Variants in SHANK1 observed in about 807,000 individuals in gnomAD.
SHANK1 encodes SH3 and multiple ankyrin repeat domains 1, also known as SH3 and multiple ankyrin repeat domains protein 1.
In SHANK1, 35 loss-of-function variants were observed where a neutral mutation model predicts 165.6. That is an observed-to-expected ratio of 0.21 (90% CI 0.16 to 0.28). The LOEUF (loss-of-function observed/expected upper bound fraction) is 0.28. Among genes scored for constraint, SHANK1 ranks in the 10% least tolerant of loss-of-function variants. The pLI is 1.00. For synonymous variants in SHANK1, 1,428 were observed against 1,384.8 expected (o/e 1.03, Z -0.69); for missense variants, 2,681 against 3,036.4 (o/e 0.88, Z 2.75).
Position 50,662,670 on chromosome 19 carries a change from G to A in SHANK1, c.5781C>T (p.Asp1927=), listed in dbSNP as rs951959831. Residue 1927 remains aspartate, a synonymous_variant, in exon 24 of 24, where the codon GAC becomes GAT. Transcript: ENST00000293441. The surrounding 1 kb of genome is among the most constrained non-coding windows in gnomAD (Gnocchi z 7.7). ...SSLQRQRLSD[D]SQSSLLSKPV... is the part of the protein sequence containing the mutation. ...GCTTGGAGAGGAGTGAGGACTGGGA[G>A]TCGTCGGAGAGTCTGGAATGTGACA... is the stretch of plus-strand genomic sequence containing the variant. 1.0e-5 allele frequency: 16 copies of A among 1,563,290 alleles called. No individual in the cohort carries two copies. Among genetic ancestry groups the A allele is most frequent in the South Asian group, 1.2e-5 (1 of 84,926 alleles).
chr19:50,668,815 C>T lies in SHANK1; in HGVS notation c.3145G>A (p.Gly1049Ser). The change falls in exon 23 of 24, where the codon GGC becomes AGC. Residue 1049 changes from glycine (G) to serine (S), a missense_variant. Physicochemically the swap from Gly to Ser is moderately conservative, Grantham distance 56. Coordinates refer to ENST00000293441, the MANE Select transcript of SHANK1 (RefSeq NM_016148.5). ...LALGPQPSLR[G>S]WRGGGPSPTP... ...GGGCTGGGCCCGCCGCCCCTCCAGC[C>T]TCGCAGGCTGGGCTGGGGCCCCAGA... 1 of 1,269,942 alleles carries T rather than the reference C, an allele frequency of 7.9e-7. No individual in the cohort carries two copies. The highest frequency in any genetic ancestry group is 3.2e-5 in the South Asian group (1 of 30,906). 78.7% of individuals were successfully genotyped at this position (1,269,942 alleles called of 1,614,324 possible).
At chr19:50,689,301 T>TTTATTG in intron 15 of SHANK1, 22 bp from the exon 16 acceptor site, 1 of 756,204 alleles carries the variant, frequency 1.3e-6, no homozygotes, top group Non-Finnish European at 2.0e-6. Flanking sequence ...GCAGGAGAAA[T>TTTATTG]GGGGGGGTGG....
intron 21 of SHANK1, among the ~76,000 whole-genome samples, chr19:50,680,670 C>T (rs34254793): frequency 0.5 from 60,952 of 122,736 alleles, 13,161 homozygotes; most frequent in Admixed American, 0.57. Context: ...TTTTTTTTTT[C>T]CCCGAGACAG....
In SHANK1 at chr19:50,667,658, G is replaced by A. The variant is rs559206133; in HGVS notation, c.4302C>T (p.Pro1434=). Residue 1434 remains proline, a synonymous_variant, in exon 23 of 24, where the codon CCC becomes CCT. Transcript: ENST00000293441. The surrounding 1 kb of genome is among the most constrained non-coding windows in gnomAD (Gnocchi z 5.7). ...AGLGSQEKSL[P]ASPPAARRSL... is the part of the protein sequence containing the mutation. ...AACGCCGGGCGGCGGGCGGGCTGGC[G>A]GGAAGGGACTTCTCCTGGCTGCCCA... 1.4e-5 allele frequency: 19 copies of A among 1,402,620 alleles called. No homozygotes were observed. Among genetic ancestry groups the A allele is most frequent in the Non-Finnish European group, 1.7e-5 (19 of 1,088,000 alleles). 86.9% of individuals were successfully genotyped at this position (1,402,620 alleles called of 1,614,324 possible). A position where few individuals can be genotyped will look rare whatever the true frequency, so the allele number is the denominator to read the frequency against.
chr19:50,684,505 C>A (rs914336573), intron 21 of SHANK1, among the ~76,000 whole-genome samples: 1 of 152,138 alleles, frequency 6.6e-6, no homozygotes, highest in Admixed American at 6.5e-5. Flanking sequence ...GGATTACAGG[C>A]GTGAGCCACC....
chr19:50,707,279 C>T (rs930805815), intron 8 of SHANK1, among the ~76,000 whole-genome samples: 4 of 152,178 alleles, frequency 2.6e-5, no homozygotes, highest in Admixed American at 1.3e-4. Flanking sequence ...AATGCTGGAC[C>T]CACAGGGACT....
At chr19:50,692,564 C>G (rs1162228509) in intron 15 of SHANK1, among the ~76,000 whole-genome samples, 1 of 151,290 alleles carries the variant, frequency 6.6e-6, no homozygotes, top group East Asian at 1.9e-4. Context: ...TCAACCACCC[C>G]CTATCCTACA....
At position 50,687,938 on chromosome 19, in the gene SHANK1, C is replaced by T. The variant is rs1230068769; in HGVS notation, c.2293G>A (p.Ala765Thr). The change falls in exon 18 of 24, where the codon GCA becomes ACA. Residue 765 changes from alanine (A) to threonine (T), a missense_variant. Ala to Thr is a moderately conservative substitution (Grantham distance 58). Coordinates refer to ENST00000293441, the MANE Select transcript of SHANK1 (RefSeq NM_016148.5). Reference sequence around the variant, plus strand: ...GCAGGAGCACCTTTCTTGTGCACTGCCTCATCCATGTCCGGGTGCCTGGTG... The same window carrying T: ...GCAGGAGCACCTTTCTTGTGCACTGTCTCATCCATGTCCGGGTGCCTGGTG... ...MVTRHPDMDE[A>T]VHKKAPQQAK... The T allele has an allele frequency of 6.2e-7, 1 of 1,613,922 alleles. No homozygotes were observed. Among genetic ancestry groups the T allele is most frequent in the Non-Finnish European group, 8.5e-7 (1 of 1,179,976 alleles).
chr19:50,667,967 G>T lies in SHANK1; in HGVS notation c.3993C>A (p.Ser1331Arg). 7.0e-7 allele frequency: 1 copy of T among 1,423,846 alleles called. No individual in the cohort carries two copies. The allele number at this position is 1,423,846 out of a possible 1,614,324, so 88.2% of individuals were successfully genotyped here. A position where few individuals can be genotyped will look rare whatever the true frequency, so the allele number is the denominator to read the frequency against. Reference protein sequence around the residue: ...GGGGGSSAFTSFLPPRPLVHP... With the variant: ...GGGGGSSAFTRFLPPRPLVHP... ...GCACCAGGGGTCGCGGGGGCAGGAA[G>T]CTGGTGAAGGCGCTGCTGCCCCCGC... The change falls in exon 23 of 24, where the codon AGC becomes AGA. Residue 1331 changes from serine (S) to arginine (R), a missense_variant. Ser to Arg is a moderately radical substitution (Grantham distance 110). Transcript: ENST00000293441. This position sits in a 1 kb window ranked among gnomAD's most constrained non-coding sequence, Gnocchi z 5.7.
intron 8 of SHANK1, 71 bp from the exon 9 acceptor site, chr19:50,704,585 G>C (rs2088915761): frequency 7.4e-7 from 1 of 1,349,580 alleles, no homozygotes. Flanking sequence ...AGTGGATGCA[G>C]GTTCTGTGCT....
At position 50,688,753 on chromosome 19, in the gene SHANK1, T is replaced by C; in HGVS notation, c.2172+91A>G. 1 of 1,387,298 alleles carries C rather than the reference T, an allele frequency of 7.2e-7. No homozygotes were observed. Among genetic ancestry groups the C allele is most frequent in the Non-Finnish European group, 9.8e-7 (1 of 1,021,430 alleles). 85.9% of individuals were successfully genotyped at this position (1,387,298 alleles called of 1,614,324 possible). A position where few individuals can be genotyped will look rare whatever the true frequency, so the allele number is the denominator to read the frequency against. On this transcript the variant is annotated intron_variant, in intron 17 of 23. Coordinates refer to ENST00000293441, the MANE Select transcript of SHANK1 (RefSeq NM_016148.5). This position sits in a 1 kb window ranked among gnomAD's most constrained non-coding sequence, Gnocchi z 6.7. ...TGGGAATCCTGGTGCCAAAGGAGAA[T>C]AAAACTGGGCAGCCAGATCCTGGTG... is the stretch of plus-strand genomic sequence containing the variant.
At position 50,670,451 on chromosome 19, in the gene SHANK1, C is replaced by G. The variant is rs1328558174; in HGVS notation, c.2675-1166G>C. Among the ~76,000 whole-genome samples, 1 of 152,208 alleles carries G rather than the reference C, an allele frequency of 6.6e-6. No individual in the cohort carries two copies. Among genetic ancestry groups the G allele is most frequent in the African/African-American group, 2.4e-5 (1 of 41,462 alleles). On this transcript the variant is annotated intron_variant, in intron 22 of 23. Transcript: ENST00000293441. This position sits in a 1 kb window ranked among gnomAD's most constrained non-coding sequence, Gnocchi z 4.1. ...GTCCCCCGGCTTCCCAGCTCATCCC[C>G]TTCAATCTAGTCCCTTCACAGCAGC...
Position 50,667,980 on chromosome 19 carries a change from C to T in SHANK1, c.3980G>A (p.Ser1327Asn). The change falls in exon 23 of 24, where the codon AGC becomes AAC. Residue 1327 changes from serine (S) to asparagine (N), a missense_variant. By Grantham distance (46) the Ser-to-Asn change is conservative. Coordinates refer to ENST00000293441, the MANE Select transcript of SHANK1 (RefSeq NM_016148.5). This position sits in a 1 kb window ranked among gnomAD's most constrained non-coding sequence, Gnocchi z 5.7. ...SRAYGGGGGS[S>N]AFTSFLPPRP... is the part of the protein sequence containing the mutation. ...CGGGGGCAGGAAGCTGGTGAAGGCG[C>T]TGCTGCCCCCGCCACCCCCGTAGGC... The T allele has an allele frequency of 6.9e-7, 1 of 1,449,830 alleles. No individual in the cohort carries two copies. Among genetic ancestry groups the T allele is most frequent in the Non-Finnish European group, 9.0e-7 (1 of 1,106,272 alleles). The allele number at this position is 1,449,830 out of a possible 1,614,324, so 89.8% of individuals were successfully genotyped here.
At chr19:50,689,002 G>C (rs2123136795) in intron 16 of SHANK1, 34 bp from the exon 17 acceptor site, 2 of 1,469,286 alleles carry the variant, frequency 1.4e-6, no homozygotes, top group Non-Finnish European at 1.9e-6. Context: ...GGGTCGGAGG[G>C]GAGGGGGTGG....
In SHANK1 at chr19:50,668,257, C is replaced by T; in HGVS notation, c.3703G>A (p.Ala1235Thr). The T allele has an allele frequency of 1.4e-6, 2 of 1,420,328 alleles. No individual in the cohort carries two copies. Among genetic ancestry groups the T allele is most frequent in the Admixed American group, 3.3e-5 (1 of 30,510 alleles). 88.0% of individuals were successfully genotyped at this position (1,420,328 alleles called of 1,614,324 possible). A position where few individuals can be genotyped will look rare whatever the true frequency, so the allele number is the denominator to read the frequency against. The change falls in exon 23 of 24, where the codon GCC (alanine) becomes ACC (threonine). Residue 1235 changes from alanine to threonine, a missense_variant. Around this residue, in one of 10 missense-constraint regions of SHANK1, gnomAD observed 1,713 missense variants for 1,630.2 expected, o/e 1.05. Coordinates refer to ENST00000293441, the MANE Select transcript of SHANK1 (RefSeq NM_016148.5). Reference protein sequence around the residue: ...TLDFTSQFGAALVGAARREGG... With the variant: ...TLDFTSQFGATLVGAARREGG... ...TCCCTCCGGGCCGCCCCCACCAGGG[C>T]GGCCCCGAACTGGCTCGTGAAGTCC...
intron 6 of SHANK1, among the ~76,000 whole-genome samples, chr19:50,712,597 C>G (rs2089021386): frequency 6.6e-6 from 1 of 152,214 alleles, no homozygotes; most frequent in South Asian, 2.1e-4. Context: ...GGGCAAGGAT[C>G]GGGCCGGCCT....
rs189621097 is a variant in SHANK1, at chr19:50,670,352, C to A, written c.2675-1067G>T. On this transcript the variant is annotated intron_variant, in intron 22 of 23. Coordinates refer to ENST00000293441, the MANE Select transcript of SHANK1 (RefSeq NM_016148.5). The surrounding 1 kb of genome is among the most constrained non-coding windows in gnomAD (Gnocchi z 4.1). ...ATCCGGAATCCAATCCCTTCTCACC[C>A]CTCCAGAGTCAACACCCTGGGCCAG... 4.6e-5 allele frequency among the ~76,000 whole-genome samples: 7 copies of A among 152,316 alleles called. No homozygotes were observed. Among genetic ancestry groups the A allele is most frequent in the African/African-American group, 1.4e-4 (6 of 41,562 alleles).
At chr19:50,663,194 G>A (rs8101316) in intron 23 of SHANK1, 76,267 of 162,124 alleles carry the variant, frequency 0.47, 19,587 homozygotes, top group African/African-American at 0.69. Flanking sequence ...ATGGCCAGTC[G>A]TAGCAGAGTG....
chr19:50,676,340 T>C (rs1340470616), intron 21 of SHANK1, among the ~76,000 whole-genome samples: 1 of 152,016 alleles, frequency 6.6e-6, no homozygotes, highest in East Asian at 1.9e-4. Context: ...AAGGCCTCAC[T>C]GAGAAGGTAT....
Sources: allele counts gnomAD v4.1 joint callset (sites outside exome capture counted in the v4.1 genomes callset), GRCh38; gene constraint gnomAD v4.1.1; regional missense constraint gnomAD v4.1.1; non-coding constraint Gnocchi (gnomAD v3.1); transcripts MANE v1.5; gene names NCBI Gene and HGNC (gene_info 2026-07-23, HGNC 2026-07-21).